Variants in ARHGAP18 observed in about 807,000 individuals in gnomAD.
ARHGAP18 encodes the protein rho GTPase-activating protein 18.
ARHGAP18 carries 67 observed loss-of-function variants against 86.2 expected under a neutral mutation model. The ratio of observed to expected loss-of-function variants is 0.78; its 90% CI spans 0.64 to 0.95. ARHGAP18 has a LOEUF of 0.95. ARHGAP18 is among the 40% of genes least tolerant of loss of function. The pLI, the probability that ARHGAP18 is intolerant of heterozygous loss-of-function variation, is 0.00. For synonymous variants in ARHGAP18, 283 were observed against 280.4 expected (o/e 1.01, Z -0.09); for missense variants, 691 against 780.4 (o/e 0.89, Z 1.37).
chr6:129,590,546 A>G (rs988404103), intron 12 of ARHGAP18, among the ~76,000 whole-genome samples: 2 of 152,184 alleles, frequency 1.3e-5, no homozygotes, highest in African/African-American at 4.8e-5. Context: ...CCTTCTGGCT[A>G]TGAAATAAAA....
chr6:129,676,852 T>A (rs985517079), intron 1 of ARHGAP18, among the ~76,000 whole-genome samples: 7 of 146,762 alleles, frequency 4.8e-5, no homozygotes, highest in Admixed American at 3.4e-4. Flanking sequence ...AAGGTAAAAG[T>A]AATATCCTTG....
At chr6:129,702,792 G>A (rs1331546105) in intron 1 of ARHGAP18, among the ~76,000 whole-genome samples, 1 of 152,230 alleles carries the variant, frequency 6.6e-6, no homozygotes, top group Non-Finnish European at 1.5e-5. Flanking sequence ...CTGAGGTCAG[G>A]AGTTCGAGAC....
chr6:129,642,870 A>G (rs1277427215), intron 1 of ARHGAP18, among the ~76,000 whole-genome samples: 3 of 152,224 alleles, frequency 2.0e-5, no homozygotes, highest in African/African-American at 7.2e-5. Flanking sequence ...TTTATTTATA[A>G]ATGGACCCAT....
intron 9 of ARHGAP18, among the ~76,000 whole-genome samples, chr6:129,606,806 A>G (rs1788862858): frequency 6.6e-6 from 1 of 151,840 alleles, no homozygotes; most frequent in Non-Finnish European, 1.5e-5. Context: ...TCAATATTGT[A>G]TGTGTTAAGA....
rs1457060477 is a variant in ARHGAP18, at chr6:129,647,692, G to T, written c.114-5674C>A. ...AATGTGTAAAAAAAAAAAAGGCAGT[G>T]GGGTGGGGGTTCTTCCTCAGATCAT... On this transcript the variant is annotated intron_variant, in intron 1 of 14. Transcript: ENST00000368149. Among the ~76,000 whole-genome samples, 3 of 151,270 alleles carry T rather than the reference G, an allele frequency of 2.0e-5. 1 individual carries two copies. Among genetic ancestry groups the T allele is most frequent in the African/African-American group, 7.3e-5 (3 of 41,264 alleles).
chr6:129,670,522 G>C (rs1462269487), intron 1 of ARHGAP18, among the ~76,000 whole-genome samples: 1 of 152,112 alleles, frequency 6.6e-6, no homozygotes, highest in Non-Finnish European at 1.5e-5. Context: ...TATTCACACC[G>C]AGGATGGAGG....
intron 5 of ARHGAP18, among the ~76,000 whole-genome samples, chr6:129,627,291 A>G (rs188765677): frequency 6.6e-6 from 1 of 152,228 alleles, no homozygotes; most frequent in East Asian, 1.9e-4. Flanking sequence ...TATCCAAATT[A>G]ATAAATAAAA....
intron 12 of ARHGAP18, among the ~76,000 whole-genome samples, chr6:129,586,927 C>A (rs1412939282): frequency 6.6e-6 from 1 of 152,138 alleles, no homozygotes; most frequent in Non-Finnish European, 1.5e-5. Flanking sequence ...CTCCATGGAA[C>A]CTTCCATGCT....
chr6:129,692,301 C>T (rs934301251), intron 1 of ARHGAP18, among the ~76,000 whole-genome samples: 3 of 152,152 alleles, frequency 2.0e-5, no homozygotes, highest in African/African-American at 7.2e-5. Context: ...GAGTTAAGCT[C>T]GCCTGAGCAG....
At chr6:129,688,162 A>G (rs1774464430) in intron 1 of ARHGAP18, among the ~76,000 whole-genome samples, 1 of 152,130 alleles carries the variant, frequency 6.6e-6, no homozygotes, top group Admixed American at 6.5e-5. Flanking sequence ...CTCCTCCCCA[A>G]GAGCCACGTC....
At chr6:129,655,348 A>T (rs2114513463) in intron 1 of ARHGAP18, among the ~76,000 whole-genome samples, 1 of 148,644 alleles carries the variant, frequency 6.7e-6, no homozygotes, top group Admixed American at 6.7e-5. Context: ...AAAAGAAAAG[A>T]AAAGAAAAGA....
At chr6:129,709,910 G>T in intron 1 of ARHGAP18, 114 bp downstream of exon 1, 2 of 792,624 alleles carry the variant, frequency 2.5e-6, no homozygotes, top group Non-Finnish European at 4.2e-6. Flanking sequence ...TGCTGCACGA[G>T]CTCAGGCTCG....
chr6:129,627,384 A>G (rs1789501757), intron 5 of ARHGAP18, among the ~76,000 whole-genome samples: 2 of 152,028 alleles, frequency 1.3e-5, no homozygotes, highest in African/African-American at 4.8e-5. Flanking sequence ...TACATTGACA[A>G]AAAAGAAAGC....
intron 1 of ARHGAP18, among the ~76,000 whole-genome samples, chr6:129,681,824 C>T (rs1241732559): frequency 6.6e-6 from 1 of 152,162 alleles, no homozygotes; most frequent in Non-Finnish European, 1.5e-5. Flanking sequence ...AACATGGTGA[C>T]CAAGTTCACA....
intron 1 of ARHGAP18, among the ~76,000 whole-genome samples, chr6:129,677,885 G>A (rs1476490173): frequency 6.6e-6 from 1 of 152,118 alleles, no homozygotes; most frequent in African/African-American, 2.4e-5. Flanking sequence ...CCACTGGCTG[G>A]TATTTAAGCT....
chr6:129,618,887 C>T (rs1789152336), intron 5 of ARHGAP18, 35 bp from the exon 6 acceptor site: 4 of 1,581,812 alleles, frequency 2.5e-6, no homozygotes, highest in Admixed American at 1.7e-5. Context: ...TAAAAGCTTA[C>T]AGTACCTAAC....
At chr6:129,621,374 GT>G (rs926956456) in intron 5 of ARHGAP18, among the ~76,000 whole-genome samples, 3 of 151,986 alleles carry the variant, frequency 2.0e-5, no homozygotes, top group African/African-American at 7.3e-5. Context: ...TTCGTAATGT[GT>G]TTTTTTTCCT....
chr6:129,668,399 CAGA>C (rs1774083139), intron 1 of ARHGAP18, among the ~76,000 whole-genome samples: 4 of 135,404 alleles, frequency 3.0e-5, no homozygotes, highest in Non-Finnish European at 6.8e-5. Flanking sequence ...CACACACACA[CAGA>C]CACACACACC....
At chr6:129,606,532 A>G (rs1788857547) in intron 9 of ARHGAP18, among the ~76,000 whole-genome samples, 1 of 152,156 alleles carries the variant, frequency 6.6e-6, no homozygotes, top group Admixed American at 6.5e-5. Flanking sequence ...CCCTTACCCC[A>G]TTTAAGTAAT....
Sources: gnomAD v4.1 joint callset for allele counts (sites outside exome capture counted in the v4.1 genomes callset) on GRCh38, gnomAD v4.1.1 for gene constraint, MANE v1.5 for transcripts, NCBI Gene and HGNC (gene_info 2026-07-23, HGNC 2026-07-21) for gene names.